The following CDC5L variants were observed in gnomAD, a reference collection of about 807,000 sequenced individuals.
CDC5L encodes cell division cycle 5 like, also known as cell division cycle 5-like protein.
A neutral mutation model predicts 104.1 loss-of-function variants in CDC5L; 18 were observed. That is an observed-to-expected ratio of 0.17 (90% CI 0.12 to 0.26). The LOEUF (loss-of-function observed/expected upper bound fraction) is 0.26, where lower values mean the gene tolerates loss of function less well. Ranked by LOEUF, CDC5L falls within the 10% of genes least tolerant of loss-of-function variation. The pLI is 1.00. For synonymous variants in CDC5L, 331 were observed against 322.7 expected (o/e 1.03, Z -0.28); for missense variants, 673 against 956.9 (o/e 0.70, Z 3.91).
intron 9 of CDC5L, 28 bp from the exon 10 acceptor site, chr6:44,422,619 C>T: frequency 6.8e-7 from 1 of 1,467,506 alleles, no homozygotes; most frequent in Non-Finnish European, 9.1e-7. Flanking sequence ...AGTGGCACTT[C>T]TGTTAATTGG....
chr6:44,429,593 C>T (rs540636657), intron 13 of CDC5L, 120 bp from the exon 14 acceptor site: 91 of 806,272 alleles, frequency 1.1e-4, no homozygotes, highest in African/African-American at 1.0e-3. Flanking sequence ...TTCCAAAAAA[C>T]AACCAACCAC....
At chr6:44,442,617 G>A (rs949692532) in intron 14 of CDC5L, among the ~76,000 whole-genome samples, 5 of 151,902 alleles carry the variant, frequency 3.3e-5, no homozygotes, top group Non-Finnish European at 5.9e-5. Context: ...TATTTCTGAT[G>A]TTATACTTAA....
intron 14 of CDC5L, among the ~76,000 whole-genome samples, chr6:44,444,745 CATGCAT>C (rs1793369066): frequency 1.3e-5 from 2 of 152,264 alleles, no homozygotes; most frequent in South Asian, 2.1e-4. Context: ...TCTAGAGAGA[CATGCAT>C]ATGCCTAGTC....
In CDC5L at chr6:44,399,543, T is replaced by C. The variant is rs1003876747; in HGVS notation, c.539+3103T>C. Among the ~76,000 whole-genome samples, 5 of 152,354 alleles carry C rather than the reference T, an allele frequency of 3.3e-5. No individual in the cohort carries two copies. In the East Asian group the frequency reaches 9.6e-4, roughly 29 times the overall value. On this transcript the variant is annotated intron_variant, in intron 5 of 15. Coordinates refer to ENST00000371477, the MANE Select transcript of CDC5L (RefSeq NM_001253.4). ...ATTCATGTTCTTCATTCTTTTTCTCTGTTTAGATTGCATAATTGTTACTGC... is the reference window on the plus strand; with the variant it reads ...ATTCATGTTCTTCATTCTTTTTCTCCGTTTAGATTGCATAATTGTTACTGC...
rs1432295773 is a variant in CDC5L, at chr6:44,436,037, C to T, written c.2091+6127C>T. 2.6e-5 allele frequency among the ~76,000 whole-genome samples: 4 copies of T among 152,116 alleles called. No homozygotes were observed. The East Asian group carries it at 5.8e-4, about 22-fold the overall frequency. ...AAGTGATCCACCCACCTTGGCCTCC[C>T]AAAGTGCTGGGATTACAGGTGTGAG... On this transcript the variant is annotated intron_variant, in intron 14 of 15. Transcript: ENST00000371477.
Position 44,426,376 on chromosome 6 carries a change from T to C in CDC5L, c.1651-106T>C. The C allele has an allele frequency of 7.3e-6, 6 of 823,314 alleles. No individual in the cohort carries two copies. In the South Asian group the frequency reaches 7.4e-5, roughly 10 times the overall value. The allele number at this position is 823,314 out of a possible 1,614,324, so 51.0% of individuals were successfully genotyped here. A position where few individuals can be genotyped will look rare whatever the true frequency, so the allele number is the denominator to read the frequency against. On this transcript the variant is annotated intron_variant, in intron 12 of 15. Transcript: ENST00000371477. ...AATTTAGAAGGAAAAAAATGGAAATTGCTTTTGAAAATGTAAAACCGCTGT... is the reference window on the plus strand; with the variant it reads ...AATTTAGAAGGAAAAAAATGGAAATCGCTTTTGAAAATGTAAAACCGCTGT...
In CDC5L at chr6:44,413,001, C is replaced by T. The variant is rs369268219; in HGVS notation, c.1092+4369C>T. ...GTTTCACCGTTTTAGCTGGGATGGTCTCGATCTCCTGACCTCGTGATCCGC... is the reference window on the plus strand; with the variant it reads ...GTTTCACCGTTTTAGCTGGGATGGTTTCGATCTCCTGACCTCGTGATCCGC... On this transcript the variant is annotated intron_variant, in intron 8 of 15. Transcript: ENST00000371477. 4.6e-5 allele frequency among the ~76,000 whole-genome samples: 7 copies of T among 151,738 alleles called. No homozygotes were observed. The East Asian group carries it at 1.2e-3, about 25-fold the overall frequency.
At position 44,419,443 on chromosome 6, in the gene CDC5L, A is replaced by G. The variant is rs890242648; in HGVS notation, c.1093-6A>G. The stretch of plus-strand genomic sequence containing the variant: ...AAACTTGCTTCTTTGTCTTCTTGTT[A>G]ATCAGGAAGCCCAGAACCTCATGGC... On this transcript the variant is annotated splice_region_variant and splice_polypyrimidine_tract_variant and intron_variant, in intron 8 of 15. Transcript: ENST00000371477. 6.2e-7 allele frequency: 1 copy of G among 1,612,564 alleles called. No homozygotes were observed. Among genetic ancestry groups the G allele is most frequent in the African/African-American group, 1.3e-5 (1 of 74,784 alleles).
chr6:44,414,316 G>T (rs372491974), intron 8 of CDC5L, among the ~76,000 whole-genome samples: 1 of 151,658 alleles, frequency 6.6e-6, no homozygotes, highest in Admixed American at 6.6e-5. Flanking sequence ...GGGTTCAAGC[G>T]ATCCTCCCAC....
At chr6:44,392,630 TA>T in intron 2 of CDC5L, 36 bp from the exon 3 acceptor site, 1 of 1,576,114 alleles carries the variant, frequency 6.3e-7, no homozygotes, top group East Asian at 2.3e-5. Flanking sequence ...TTATGCCAGG[TA>T]ACTGATTAAT....
chr6:44,390,506 G>A, intron 2 of CDC5L, 135 bp downstream of exon 2: 1 of 635,302 alleles, frequency 1.6e-6, no homozygotes, highest in Admixed American at 3.1e-5. Flanking sequence ...ATGGAAGTTG[G>A]GTGTTTGACT....
intron 5 of CDC5L, among the ~76,000 whole-genome samples, chr6:44,399,281 T>G (rs1476443253): frequency 6.6e-6 from 1 of 152,238 alleles, no homozygotes; most frequent in Admixed American, 6.5e-5. Flanking sequence ...TCTTCTCGTC[T>G]TTGGCTTTCA....
chr6:44,411,639 T>A (rs368895406), intron 8 of CDC5L, among the ~76,000 whole-genome samples: 3 of 118,026 alleles, frequency 2.5e-5, no homozygotes, highest in South Asian at 3.9e-4. Context: ...AGAGAGAGAG[T>A]GTGTGTGTGT....
chr6:44,403,950 T>C lies in CDC5L; in HGVS notation c.681T>C (p.Thr227=), dbSNP rs1157014867. The C allele has an allele frequency of 6.2e-7, 1 of 1,613,776 alleles. No homozygotes were observed. Among genetic ancestry groups the C allele is most frequent in the African/African-American group, 1.3e-5 (1 of 74,888 alleles). The change falls in exon 6 of 16, where the codon ACT becomes ACC. Residue 227 remains threonine (T), a synonymous_variant. Transcript: ENST00000371477. The part of the protein sequence containing the change: ...EKKPALGFYD[T]SEENYQALDA... ...AGCCTGCCCTTGGTTTTTATGATAC[T>C]TCTGAGGAAAACTACCAAGCTCTTG...
At chr6:44,389,934 GAGA>G (rs1379158573) in intron 1 of CDC5L, among the ~76,000 whole-genome samples, 3 of 152,142 alleles carry the variant, frequency 2.0e-5, no homozygotes, top group South Asian at 4.1e-4. Flanking sequence ...CCTTTTTGAA[GAGA>G]AGGACAGCCA....
At chr6:44,430,415 T>C (rs1792626331) in intron 14 of CDC5L, among the ~76,000 whole-genome samples, 1 of 149,376 alleles carries the variant, frequency 6.7e-6, no homozygotes, top group African/African-American at 2.5e-5. Context: ...GCTTCCATGA[T>C]TTTTCATGTC....
At chr6:44,387,963 G>T in intron 1 of CDC5L, 95 bp downstream of exon 1, 1 of 1,161,676 alleles carries the variant, frequency 8.6e-7, no homozygotes, top group Non-Finnish European at 1.2e-6. Flanking sequence ...AGGAGACCCT[G>T]TGGGGTCTGC....
intron 12 of CDC5L, 23 bp from the exon 13 acceptor site, chr6:44,426,459 T>A (rs1247568008): frequency 8.0e-7 from 1 of 1,253,878 alleles, no homozygotes; most frequent in Non-Finnish European, 1.2e-6. Context: ...TGTTTGGTAA[T>A]TGTATTTGTT....
chr6:44,433,298 C>T (rs1004410067), intron 14 of CDC5L, among the ~76,000 whole-genome samples: 1 of 152,266 alleles, frequency 6.6e-6, no homozygotes. Context: ...GTGTGGAGAA[C>T]CTCGTTTTCT....
Sources: allele counts gnomAD v4.1 joint callset (sites outside exome capture counted in the v4.1 genomes callset), GRCh38; gene constraint gnomAD v4.1.1; transcripts MANE v1.5; gene names NCBI Gene and HGNC (gene_info 2026-07-23, HGNC 2026-07-21).